CTNNA2: variants seen among roughly 807,000 people sequenced by gnomAD.
The protein encoded by CTNNA2 is catenin alpha-2.
CTNNA2 carries 42 observed loss-of-function variants against 101.0 expected under a neutral mutation model. That is an observed-to-expected ratio of 0.42 (90% CI 0.32 to 0.54). The LOEUF is 0.54. Among genes scored for constraint, CTNNA2 ranks in the 20% least tolerant of loss-of-function variants. The pLI is 0.14. For synonymous variants in CTNNA2, 450 were observed against 456.4 expected (o/e 0.99, Z 0.18); for missense variants, 871 against 1,223.1 (o/e 0.71, Z 4.29).
intron 8 of CTNNA2, among the ~76,000 whole-genome samples, chr2:80,409,475 A>G (rs1283604035): frequency 6.6e-6 from 1 of 152,084 alleles, no homozygotes; most frequent in Non-Finnish European, 1.5e-5. Flanking sequence ...TAGCTTTGTT[A>G]GTAGTTGGGA....
intron 4 of CTNNA2, among the ~76,000 whole-genome samples, chr2:79,468,184 A>T (rs898688362): frequency 6.6e-6 from 1 of 152,216 alleles, no homozygotes; most frequent in African/African-American, 2.4e-5. Context: ...GTGGAGGAAG[A>T]TCTACCGAGC....
chr2:80,077,913 T>TGGGTA (rs1049534309), intron 7 of CTNNA2, among the ~76,000 whole-genome samples: 28 of 152,252 alleles, frequency 1.8e-4, no homozygotes, highest in Non-Finnish European at 3.7e-4. Flanking sequence ...CTTAACTGAA[T>TGGGTA]GGGTACATAA....
intron 7 of CTNNA2, among the ~76,000 whole-genome samples, chr2:80,237,303 A>C (rs1709597977): frequency 6.6e-6 from 1 of 152,232 alleles, no homozygotes; most frequent in Non-Finnish European, 1.5e-5. Flanking sequence ...GTGTTTGTTC[A>C]AAATACATAC....
chr2:80,640,828 A>AAAT (rs1055003358), intron 18 of CTNNA2, among the ~76,000 whole-genome samples: 61 of 145,108 alleles, frequency 4.2e-4, no homozygotes, highest in African/African-American at 1.5e-3. Flanking sequence ...GTTTAAATAT[A>AAAT]AATAAATGAC....
chr2:80,202,563 T>C (rs1235099039), intron 7 of CTNNA2, among the ~76,000 whole-genome samples: 2 of 152,164 alleles, frequency 1.3e-5, no homozygotes, highest in African/African-American at 2.4e-5. Flanking sequence ...TTGACTTCCC[T>C]TTCATCTCTT....
chr2:79,786,487 A>ATTT (rs10648026), intron 3 of CTNNA2, among the ~76,000 whole-genome samples: 3,125 of 151,742 alleles, frequency 0.021, 107 homozygotes, highest in African/African-American at 0.07. Flanking sequence ...TTAAGTAAAG[A>ATTT]TATTTTTTTT....
intron 7 of CTNNA2, among the ~76,000 whole-genome samples, chr2:79,968,716 T>C (rs1375045508): frequency 6.6e-6 from 1 of 151,974 alleles, no homozygotes; most frequent in Non-Finnish European, 1.5e-5. Context: ...AAGGAAAAAA[T>C]ACCTGTTTGA....
intron 7 of CTNNA2, among the ~76,000 whole-genome samples, chr2:80,142,848 T>C (rs1290270933): frequency 6.6e-6 from 1 of 151,812 alleles, no homozygotes; most frequent in African/African-American, 2.4e-5. Context: ...TTGGACAACC[T>C]TGTATGGAGT....
intron 3 of CTNNA2, among the ~76,000 whole-genome samples, chr2:79,757,996 C>T (rs1672511354): frequency 6.6e-6 from 1 of 152,156 alleles, no homozygotes; most frequent in African/African-American, 2.4e-5. Flanking sequence ...ACAGATTGGG[C>T]TCTTAAGCTT....
chr2:79,768,738 G>A (rs1673350807), intron 3 of CTNNA2, among the ~76,000 whole-genome samples: 1 of 151,966 alleles, frequency 6.6e-6, no homozygotes, highest in South Asian at 2.1e-4. Flanking sequence ...TAAATATGAA[G>A]CTTCATACAC....
chr2:80,609,019 G>A (rs1032588829), intron 17 of CTNNA2, among the ~76,000 whole-genome samples: 2 of 151,728 alleles, frequency 1.3e-5, no homozygotes, highest in Non-Finnish European at 2.9e-5. Context: ...ATGTGTTGAG[G>A]TTCTTCACCT....
At chr2:80,586,140 TG>T (rs2149728292) in intron 14 of CTNNA2, 1 of 152,306 alleles carries the variant, frequency 6.6e-6, no homozygotes, top group African/African-American at 2.4e-5. Flanking sequence ...GCTTCTACTC[TG>T]GGCAGGATAT....
intron 7 of CTNNA2, among the ~76,000 whole-genome samples, chr2:80,365,186 C>T (rs1234844696): frequency 6.6e-6 from 1 of 152,130 alleles, no homozygotes; most frequent in East Asian, 1.9e-4. Context: ...TACATCAAAT[C>T]GTTCAAAGAA....
chr2:79,994,242 C>T (rs1259565340), intron 7 of CTNNA2, among the ~76,000 whole-genome samples: 1 of 152,180 alleles, frequency 6.6e-6, no homozygotes, highest in Admixed American at 6.5e-5. Context: ...GGTTTAAAAG[C>T]ACCTCATGTT....
At chr2:79,975,133 G>C (rs907372701) in intron 7 of CTNNA2, among the ~76,000 whole-genome samples, 1 of 149,398 alleles carries the variant, frequency 6.7e-6, no homozygotes, top group Non-Finnish European at 1.5e-5. Context: ...TGAAATAAAT[G>C]GATAAGGAGT....
intron 4 of CTNNA2, among the ~76,000 whole-genome samples, chr2:79,861,264 A>G (rs13000805): frequency 0.13 from 19,123 of 152,214 alleles, 1,526 homozygotes; most frequent in South Asian, 0.19. Flanking sequence ...TCTACTTTTT[A>G]TCTTTCAGGC....
At chr2:79,408,904 A>C (rs1296913247) in intron 4 of CTNNA2, among the ~76,000 whole-genome samples, 4 of 150,934 alleles carry the variant, frequency 2.7e-5, no homozygotes, top group East Asian at 2.0e-4. Flanking sequence ...GAACTAGTTT[A>C]CAGTCCCACC....
chr2:79,742,747 T>C (rs1036161491), intron 2 of CTNNA2, among the ~76,000 whole-genome samples: 1 of 152,178 alleles, frequency 6.6e-6, no homozygotes, highest in Non-Finnish European at 1.5e-5. Context: ...GATATTCTTA[T>C]AGTTAATGAT....
intron 7 of CTNNA2, among the ~76,000 whole-genome samples, chr2:80,214,113 C>G (rs1302182381): frequency 6.6e-6 from 1 of 152,218 alleles, no homozygotes; most frequent in Middle Eastern, 3.4e-3. Flanking sequence ...TGTCTCTGCA[C>G]ATGAGATGGG....
Sources: gnomAD v4.1 joint callset for allele counts (sites outside exome capture counted in the v4.1 genomes callset) on GRCh38, gnomAD v4.1.1 for gene constraint, MANE v1.5 for transcripts, NCBI Gene and HGNC (gene_info 2026-07-23, HGNC 2026-07-21) for gene names.